Variants in NKAIN2 observed in about 807,000 individuals in gnomAD.
The protein encoded by NKAIN2 is sodium/potassium-transporting ATPase subunit beta-1-interacting protein 2.
NKAIN2 carries 14 observed loss-of-function variants against 32.6 expected under a neutral mutation model. The observed-to-expected ratio is 0.43, with a 90% CI of 0.28 to 0.67. NKAIN2 has a LOEUF of 0.67. Among genes scored for constraint, NKAIN2 ranks in the 30% least tolerant of loss-of-function variants. NKAIN2 has a pLI of 0.17. For synonymous variants in NKAIN2, 80 were observed against 87.2 expected (o/e 0.92, Z 0.46); for missense variants, 198 against 258.3 (o/e 0.77, Z 1.60).
chr6:124,273,225 C>T lies in NKAIN2; in HGVS notation c.55-9780C>T, dbSNP rs140214788. Among the ~76,000 whole-genome samples the T allele has an allele frequency of 8.3e-4, 127 of 152,304 alleles. 3 individuals are homozygous for T. The East Asian group carries it at 0.018, about 22-fold the overall frequency. On this transcript the variant is annotated intron_variant, in intron 1 of 6. Coordinates refer to ENST00000368417, the MANE Select transcript of NKAIN2 (RefSeq NM_001040214.3). ...CCCAAATCTCATCTCCAATTGTAAT[C>T]TCCATGTGTGGAGGGAAGGACTTGG...
intron 6 of NKAIN2, among the ~76,000 whole-genome samples, chr6:124,819,755 A>C (rs996114375): frequency 6.6e-6 from 1 of 152,168 alleles, no homozygotes; most frequent in African/African-American, 2.4e-5. Flanking sequence ...TTCAACTCTT[A>C]ATAATGTTTG....
intron 1 of NKAIN2, among the ~76,000 whole-genome samples, chr6:124,111,925 T>C (rs1055062045): frequency 8.5e-5 from 13 of 152,094 alleles, no homozygotes; most frequent in Non-Finnish European, 1.8e-4. Flanking sequence ...ATAAGTTGAA[T>C]TGCATACAAA....
chr6:124,613,389 C>CTT, intron 3 of NKAIN2, among the ~76,000 whole-genome samples: 1 of 152,144 alleles, frequency 6.6e-6, no homozygotes. Context: ...AGGATATCCA[C>CTT]TTTGAATAAA....
At chr6:124,192,974 C>T (rs1790105541) in intron 1 of NKAIN2, among the ~76,000 whole-genome samples, 1 of 152,074 alleles carries the variant, frequency 6.6e-6, no homozygotes, top group African/African-American at 2.4e-5. Flanking sequence ...TGGTCTCGAC[C>T]TCCTGACCTC....
intron 4 of NKAIN2, among the ~76,000 whole-genome samples, chr6:124,743,180 G>A (rs2114693396): frequency 6.6e-6 from 1 of 151,926 alleles, no homozygotes; most frequent in South Asian, 2.1e-4. Context: ...TGTGGTTTTG[G>A]AAGCTTGCCT....
At chr6:124,309,989 C>T (rs1189662829) in intron 2 of NKAIN2, among the ~76,000 whole-genome samples, 1 of 152,034 alleles carries the variant, frequency 6.6e-6, no homozygotes, top group African/African-American at 2.4e-5. Flanking sequence ...TTACTTAGTT[C>T]AGCTTATTTC....
At chr6:124,169,834 C>T (rs1422574300) in intron 1 of NKAIN2, among the ~76,000 whole-genome samples, 1 of 152,088 alleles carries the variant, frequency 6.6e-6, no homozygotes, top group Non-Finnish European at 1.5e-5. Context: ...GACTTTCACC[C>T]CAGACTCACT....
rs1377959709 is a variant in NKAIN2 at position 124,823,407 on chromosome 6, C to T, written c.*178C>T. 16 of 593,782 alleles carry T rather than the reference C, an allele frequency of 2.7e-5. No homozygotes were observed. Among genetic ancestry groups the T allele is most frequent in the Non-Finnish European group, 4.5e-5 (15 of 330,896 alleles). 36.8% of individuals were successfully genotyped at this position (593,782 alleles called of 1,614,324 possible). A position where few individuals can be genotyped will look rare whatever the true frequency, so the allele number is the denominator to read the frequency against. ...ACACACACACACACACACGTGAGCA[C>T]GCACACACCAATTCCACTTGACCTC... On this transcript the variant is annotated 3_prime_UTR_variant, in exon 7 of 7. Coordinates refer to ENST00000368417, the MANE Select transcript of NKAIN2 (RefSeq NM_001040214.3).
intron 1 of NKAIN2, among the ~76,000 whole-genome samples, chr6:124,118,155 G>A (rs1785706689): frequency 6.6e-6 from 1 of 152,052 alleles, no homozygotes; most frequent in South Asian, 2.1e-4. Context: ...AGGGCAGAAG[G>A]TTCATATGTC....
intron 2 of NKAIN2, among the ~76,000 whole-genome samples, chr6:124,286,794 G>A (rs1795576354): frequency 6.6e-6 from 1 of 151,956 alleles, no homozygotes. Flanking sequence ...CAATTCTCCT[G>A]CCTCAGCCTC....
intron 1 of NKAIN2, among the ~76,000 whole-genome samples, chr6:123,841,122 T>C (rs1774850205): frequency 6.6e-6 from 1 of 152,168 alleles, no homozygotes; most frequent in Admixed American, 6.5e-5. Context: ...GCAAATTGCC[T>C]AGTCTAGAAA....
At chr6:124,153,629 C>T (rs976938026) in intron 1 of NKAIN2, among the ~76,000 whole-genome samples, 4 of 151,612 alleles carry the variant, frequency 2.6e-5, no homozygotes, top group Middle Eastern at 3.2e-3. Context: ...TGGTCTCTTT[C>T]ATCTCGATAT....
At chr6:123,838,570 G>A (rs1774727062) in intron 1 of NKAIN2, among the ~76,000 whole-genome samples, 1 of 152,100 alleles carries the variant, frequency 6.6e-6, no homozygotes, top group African/African-American at 2.4e-5. Flanking sequence ...ACTGTAAAAT[G>A]CCGTTTGATG....
chr6:124,438,847 G>C (rs1220718860), intron 3 of NKAIN2, among the ~76,000 whole-genome samples: 1 of 152,096 alleles, frequency 6.6e-6, no homozygotes, highest in African/African-American at 2.4e-5. Flanking sequence ...ACAGCCATCT[G>C]TTTTTCCTCT....
intron 4 of NKAIN2, among the ~76,000 whole-genome samples, chr6:124,700,930 T>G (rs1774750707): frequency 6.8e-6 from 1 of 147,600 alleles, no homozygotes; most frequent in Non-Finnish European, 1.5e-5. Flanking sequence ...AATTTCTATG[T>G]ATGCGTGAAT....
At chr6:123,968,614 C>T (rs551768851) in intron 1 of NKAIN2, among the ~76,000 whole-genome samples, 99 of 152,210 alleles carry the variant, frequency 6.5e-4, no homozygotes, top group Non-Finnish European at 1.2e-3. Context: ...TAAGCTGTGT[C>T]CTAGTTATCA....
rs182125353 is a variant in NKAIN2 at position 124,360,506 on chromosome 6, T to G, written c.273+5159T>G. Among the ~76,000 whole-genome samples, 3 of 152,310 alleles carry G rather than the reference T, an allele frequency of 2.0e-5. No homozygotes were observed. The East Asian group carries it at 5.8e-4, about 29-fold the overall frequency. On this transcript the variant is annotated intron_variant, in intron 3 of 6. Coordinates refer to ENST00000368417, the MANE Select transcript of NKAIN2 (RefSeq NM_001040214.3). Reference sequence around the variant, plus strand: ...TTCTTTGTACACATAGAGGTATAGTTAATATATTTTCTTCATTGAAAATTC... The same window carrying G: ...TTCTTTGTACACATAGAGGTATAGTGAATATATTTTCTTCATTGAAAATTC...
intron 1 of NKAIN2, among the ~76,000 whole-genome samples, chr6:124,221,199 A>G (rs1791795819): frequency 6.6e-6 from 1 of 152,064 alleles, no homozygotes; most frequent in Non-Finnish European, 1.5e-5. Context: ...AATGTGGCAC[A>G]TATACACCAT....
At chr6:124,039,343 T>C (rs1781757216) in intron 1 of NKAIN2, among the ~76,000 whole-genome samples, 1 of 151,960 alleles carries the variant, frequency 6.6e-6, no homozygotes, top group Admixed American at 6.6e-5. Flanking sequence ...CAAGTGTTTT[T>C]AGAATTACAA....
Sources: allele counts gnomAD v4.1 joint callset (sites outside exome capture counted in the v4.1 genomes callset), GRCh38; gene constraint gnomAD v4.1.1; transcripts MANE v1.5; gene names NCBI Gene and HGNC (gene_info 2026-07-23, HGNC 2026-07-21).